Variants in GFM1 observed in about 807,000 individuals in gnomAD.
The protein encoded by GFM1 is elongation factor G, mitochondrial.
Under a neutral mutation model 96.2 loss-of-function variants are expected in GFM1, and 62 were observed. The ratio of observed to expected loss-of-function variants is 0.64; its 90% confidence interval spans 0.53 to 0.80. The LOEUF (loss-of-function observed/expected upper bound fraction) is 0.80, where lower values mean the gene tolerates loss of function less well. Ranked by LOEUF, GFM1 falls within the 30% of genes least tolerant of loss-of-function variation. The pLI is 0.00. For missense variants in GFM1, 852 were observed against 916.6 expected, an observed-to-expected ratio of 0.93 and a Z score of 0.91; for synonymous variants, 282 against 312.9, an observed-to-expected ratio of 0.90 and a Z score of 1.04.
intron 4 of GFM1, 31 bp downstream of exon 4, chr3:158,646,978 G>A (rs768246661): frequency 1.9e-6 from 3 of 1,541,000 alleles, no homozygotes; most frequent in East Asian, 2.2e-5. Flanking sequence ...CAAAGAGGAT[G>A]TGATGATCTA....
At chr3:158,686,095 C>CAT (rs1427608699) in intron 15 of GFM1, among the ~76,000 whole-genome samples, 1 of 150,348 alleles carries the variant, frequency 6.7e-6, no homozygotes, top group Non-Finnish European at 1.5e-5. Context: ...TCTATGTGGC[C>CAT]ATATATATAC....
At chr3:158,646,354 TTCTC>T in intron 3 of GFM1, 57 bp downstream of exon 3, 1 of 1,583,854 alleles carries the variant, frequency 6.3e-7, no homozygotes, top group Non-Finnish European at 8.7e-7. Context: ...ATTTGGTTCT[TTCTC>T]TTACTGTGAC....
intron 4 of GFM1, among the ~76,000 whole-genome samples, chr3:158,647,533 G>A (rs547893424): frequency 5.3e-5 from 8 of 152,170 alleles, no homozygotes; most frequent in South Asian, 2.1e-4. Context: ...AGATGTGCAC[G>A]TGTAGCTGTA....
At chr3:158,648,678 C>CA (rs9331287) in intron 4 of GFM1, among the ~76,000 whole-genome samples, 1,839 of 102,494 alleles carry the variant, frequency 0.018, 18 homozygotes, top group Admixed American at 0.023. Context: ...ACTCTTGTCT[C>CA]AAAAAAAAAA....
chr3:158,691,131 GTT>G lies in GFM1; in HGVS notation c.2071-5_2071-4del. The G allele has an allele frequency of 6.3e-7, 1 of 1,599,756 alleles. No homozygotes were observed. Among genetic ancestry groups the G allele is most frequent in the Non-Finnish European group, 8.6e-7 (1 of 1,167,138 alleles). ...CAGTGCTAAAATATCTACTATGTTT[GTT>G]TTCAGGTCCCTCTAAATGATATGTT... On this transcript the variant is annotated splice_polypyrimidine_tract_variant and splice_region_variant and intron_variant, in intron 16 of 17. Transcript: ENST00000486715.
chr3:158,649,237 C>A, intron 5 of GFM1, 80 bp downstream of exon 5: 1 of 714,582 alleles, frequency 1.4e-6, no homozygotes, highest in South Asian at 1.5e-5. Context: ...TCATCAAACG[C>A]AGAGTAACTA....
chr3:158,645,603 G>A (rs1393173652), intron 1 of GFM1, 26 bp from the exon 2 acceptor site: 2 of 1,592,130 alleles, frequency 1.3e-6, no homozygotes, highest in South Asian at 2.2e-5. Context: ...AAGGTGCATA[G>A]AATTGAGCTC....
chr3:158,654,449 C>G, intron 7 of GFM1, 98 bp from the exon 8 acceptor site: 2 of 749,400 alleles, frequency 2.7e-6, no homozygotes, highest in Non-Finnish European at 4.5e-6. Context: ...ATCCCACACA[C>G]GTGCTTTTTC....
At chr3:158,669,028 T>C in intron 13 of GFM1, 1 of 1,613,572 alleles carries the variant, frequency 6.2e-7, no homozygotes, top group Non-Finnish European at 8.5e-7. Flanking sequence ...TTTACCATTT[T>C]ATACCATGTG....
In GFM1 at chr3:158,691,806, A is replaced by G. The variant is rs1726345249; in HGVS notation, c.*339A>G. On this transcript the variant is annotated 3_prime_UTR_variant, in exon 18 of 18. Coordinates refer to ENST00000486715, the MANE Select transcript of GFM1 (RefSeq NM_024996.7). ...AGCTTAGAATGTATGTTCATTTCCA[A>G]ATTTTGTATCATAAGAGTTTTCAAC... The G allele has an allele frequency of 4.6e-6, 1 of 215,466 alleles. No individual in the cohort carries two copies. The highest frequency in any genetic ancestry group is 9.4e-6 in the Non-Finnish European group (1 of 106,302). 13.3% of individuals were successfully genotyped at this position (215,466 alleles called of 1,614,324 possible). A position where few individuals can be genotyped will look rare whatever the true frequency, so the allele number is the denominator to read the frequency against.
intron 10 of GFM1, among the ~76,000 whole-genome samples, chr3:158,661,200 A>T (rs1723172694): frequency 6.6e-6 from 1 of 152,114 alleles, no homozygotes; most frequent in Non-Finnish European, 1.5e-5. Flanking sequence ...AAAAAGGAAA[A>T]CTTGGAGGAT....
chr3:158,652,561 AT>A (rs975571314), intron 6 of GFM1, among the ~76,000 whole-genome samples: 8 of 152,088 alleles, frequency 5.3e-5, no homozygotes, highest in African/African-American at 1.9e-4. Flanking sequence ...CCACAGCACT[AT>A]TGTTGGCCTC....
intron 6 of GFM1, among the ~76,000 whole-genome samples, chr3:158,652,760 A>G (rs1326604060): frequency 2.0e-5 from 3 of 152,236 alleles, no homozygotes; most frequent in East Asian, 1.9e-4. Flanking sequence ...AAAGAAAAAG[A>G]TAAGTTAAAT....
chr3:158,693,388 C>T lies in GFM1; in HGVS notation c.*1921C>T, dbSNP rs1195266576. Reference sequence around the variant, plus strand: ...ACTGGATAAATAAGTAAAAAACTTACTTATTTTTAATTTGTAAAACATCCT... The same window carrying T: ...ACTGGATAAATAAGTAAAAAACTTATTTATTTTTAATTTGTAAAACATCCT... On this transcript the variant is annotated 3_prime_UTR_variant, in exon 18 of 18. Coordinates refer to ENST00000486715, the MANE Select transcript of GFM1 (RefSeq NM_024996.7). 1 of 152,148 alleles carries T rather than the reference C, an allele frequency of 6.6e-6. No individual in the cohort carries two copies. The highest frequency in any genetic ancestry group is 1.5e-5 in the Non-Finnish European group (1 of 68,040). 9.4% of individuals were successfully genotyped at this position (152,148 alleles called of 1,614,324 possible). A position where few individuals can be genotyped will look rare whatever the true frequency, so the allele number is the denominator to read the frequency against.
intron 14 of GFM1, among the ~76,000 whole-genome samples, chr3:158,682,943 G>T (rs1202700237): frequency 1.3e-5 from 2 of 151,858 alleles, no homozygotes; most frequent in Non-Finnish European, 2.9e-5. Flanking sequence ...GCTGAGATGG[G>T]AGGATTGCTT....
rs567799959 is a variant in GFM1 at position 158,694,660 on chromosome 3, G to A, written c.*3193G>A. On this transcript the variant is annotated 3_prime_UTR_variant, in exon 18 of 18. Coordinates refer to ENST00000486715, the MANE Select transcript of GFM1 (RefSeq NM_024996.7). ...CAGTCCTCTGGCCTCAGCCTCTGGAGTAGCTGGGACAAGAGGCACACACCA... is the reference window on the plus strand; with the variant it reads ...CAGTCCTCTGGCCTCAGCCTCTGGAATAGCTGGGACAAGAGGCACACACCA... Among the ~76,000 whole-genome samples, 9 of 152,198 alleles carry A rather than the reference G, an allele frequency of 5.9e-5. No individual in the cohort carries two copies. The South Asian group carries it at 1.7e-3, about 28-fold the overall frequency.
intron 13 of GFM1, among the ~76,000 whole-genome samples, chr3:158,674,391 C>A (rs1009871762): frequency 2.0e-5 from 3 of 152,032 alleles, no homozygotes; most frequent in Non-Finnish European, 2.9e-5. Flanking sequence ...ATTTGTTAAA[C>A]CCTGACCCAC....
At position 158,687,234 on chromosome 3, in the gene GFM1, C is replaced by T. The variant is rs866339215; in HGVS notation, c.1909+2566C>T. On this transcript the variant is annotated intron_variant, in intron 15 of 17. Coordinates refer to ENST00000486715, the MANE Select transcript of GFM1 (RefSeq NM_024996.7). ...CTTTGTTGCCCAGGCTGGTCTCAAA[C>T]TCCTGGGCTCAAGCGATCCTCCTGC... Among the ~76,000 whole-genome samples, 9 of 151,664 alleles carry T rather than the reference C, an allele frequency of 5.9e-5. No homozygotes were observed. In the Middle Eastern group the frequency reaches 0.021, roughly 349 times the overall value.
intron 7 of GFM1, among the ~76,000 whole-genome samples, chr3:158,653,757 TA>T (rs11457459): frequency 1.3e-3 from 197 of 147,382 alleles, no homozygotes; most frequent in South Asian, 3.0e-3. Flanking sequence ...GACATACTGT[TA>T]AAAAAAAAAA....
Sources: allele counts gnomAD v4.1 joint callset (sites outside exome capture counted in the v4.1 genomes callset), GRCh38; gene constraint gnomAD v4.1.1; transcripts MANE v1.5; gene names NCBI Gene and HGNC (gene_info 2026-07-23, HGNC 2026-07-21).